The following SERPINC1 variants were observed in gnomAD, a reference collection of about 807,000 sequenced individuals.
The protein encoded by SERPINC1 is antithrombin-III.
In SERPINC1, 12 loss-of-function variants were observed where a neutral mutation model predicts 43.4. The observed-to-expected ratio is 0.28, with a 90% CI of 0.18 to 0.45. SERPINC1 has a LOEUF of 0.45. Among genes scored for constraint, SERPINC1 ranks in the 20% least tolerant of loss-of-function variants. SERPINC1 has a pLI of 1.00. For synonymous variants in SERPINC1, 210 were observed against 218.9 expected (o/e 0.96, Z 0.36); for missense variants, 423 against 578.8 (o/e 0.73, Z 2.76).
At chr1:173,909,456 G>T in intron 5 of SERPINC1, 96 bp downstream of exon 5, 1 of 1,325,552 alleles carries the variant, frequency 7.5e-7, no homozygotes, top group Non-Finnish European at 1.1e-6. Flanking sequence ...CAGGAGTCCT[G>T]ACTTGTTGCT....
At chr1:173,908,228 G>A (rs1408011854) in intron 5 of SERPINC1, among the ~76,000 whole-genome samples, 1 of 151,348 alleles carries the variant, frequency 6.6e-6, no homozygotes. Context: ...AGTGGCTCAC[G>A]CCTGTAATCC....
chr1:173,910,623 A>G lies in SERPINC1; in HGVS notation c.762+131T>C. On this transcript the variant is annotated intron_variant, in intron 4 of 6. Transcript: ENST00000367698. ...AATAATAGATTGACCTGCCCTGCTG[A>G]CCTGTACCTGTGTAGCTTTCGGCAG... is the stretch of plus-strand genomic sequence containing the variant. The G allele has an allele frequency of 1.6e-5, 12 of 753,420 alleles. No individual in the cohort carries two copies. The South Asian group carries it at 1.8e-4, about 11-fold the overall frequency. The allele number at this position is 753,420 out of a possible 1,614,324, so 46.7% of individuals were successfully genotyped here.
At chr1:173,910,643 C>T (rs757221443) in intron 4 of SERPINC1, 111 bp downstream of exon 4, 18 of 923,224 alleles carry the variant, frequency 1.9e-5, no homozygotes, top group East Asian at 1.0e-4. Context: ...GTGTAGCTTT[C>T]GGCAGTCCAT....
intron 6 of SERPINC1, 91 bp from the exon 7 acceptor site, chr1:173,904,156 A>T: frequency 8.0e-7 from 1 of 1,242,740 alleles, no homozygotes; most frequent in East Asian, 2.4e-5. Context: ...AATTCCTCAA[A>T]TGCTTTTGTT....
chr1:173,910,250 A>T (rs1045859499), intron 4 of SERPINC1, among the ~76,000 whole-genome samples: 4 of 152,146 alleles, frequency 2.6e-5, no homozygotes, highest in African/African-American at 9.7e-5. Flanking sequence ...AGCCACGAAA[A>T]CACAAAGGAA....
At chr1:173,908,551 CTTA>C (rs1015791800) in intron 5 of SERPINC1, among the ~76,000 whole-genome samples, 1 of 141,002 alleles carries the variant, frequency 7.1e-6, no homozygotes, top group Non-Finnish European at 1.5e-5. Flanking sequence ...ACATCGTAAA[CTTA>C]TTTTATTATT....
intron 4 of SERPINC1, among the ~76,000 whole-genome samples, chr1:173,910,146 C>T (rs1250964845): frequency 6.6e-6 from 1 of 152,152 alleles, no homozygotes; most frequent in Non-Finnish European, 1.5e-5. Flanking sequence ...ACCTTGGAAG[C>T]AGCCAAAATG....
chr1:173,909,579 A>G lies in SERPINC1; in HGVS notation c.1126T>C (p.Phe376Leu). The G allele has an allele frequency of 6.2e-7, 1 of 1,614,014 alleles. No individual in the cohort carries two copies. Among genetic ancestry groups the G allele is most frequent in the Non-Finnish European group, 8.5e-7 (1 of 1,180,044 alleles). The change falls in exon 5 of 7, where the codon TTC becomes CTC. Residue 376 changes from phenylalanine (F) to leucine (L), a missense_variant. Physicochemically the swap from Phe to Leu is conservative, Grantham distance 22. Coordinates refer to ENST00000367698, the MANE Select transcript of SERPINC1 (RefSeq NM_000488.4). ...GGGAGTTTGGACTTTTCAGGGCTGA[A>G]CAGATCGACAAGGCCCATGTCTTGC... The part of the protein sequence containing the change: ...QLQDMGLVDL[F>L]SPEKSKLPGI...
rs146733468 is a variant in SERPINC1 at position 173,910,846 on chromosome 1, T to C, written c.670A>G (p.Asn224Asp). The change falls in exon 4 of 7, where the codon AAT (asparagine) becomes GAT (aspartate). Residue 224 changes from asparagine (N) to aspartate (D), a missense_variant. Transcript: ENST00000367698. ...TCGGTGATTCGGCCTTCGGTCTTAT[T>C]GGACACCCATTTGTTGATGGCCGCT... is the stretch of plus-strand genomic sequence containing the variant. Reference protein sequence around the residue: ...SRAAINKWVSNKTEGRITDVI... With the variant: ...SRAAINKWVSDKTEGRITDVI... The C allele has an allele frequency of 7.4e-6, 12 of 1,614,062 alleles. No individual in the cohort carries two copies. The highest frequency in any genetic ancestry group is 1.0e-5 in the Non-Finnish European group (12 of 1,180,016).
At position 173,917,326 on chromosome 1, in the gene SERPINC1, C is replaced by G. The variant is rs929133799; in HGVS notation, c.-67G>C. 2 of 1,488,094 alleles carry G rather than the reference C, an allele frequency of 1.3e-6. No individual in the cohort carries two copies. The highest frequency in any genetic ancestry group is 3.4e-5 in the Admixed American group (2 of 59,012). 92.2% of individuals were successfully genotyped at this position (1,488,094 alleles called of 1,614,324 possible). ...TGATCTGAGGCAATCCGCCTGAAAA[C>G]TGGTTCTTTCCTCTAAATCTCGCAG... is the stretch of plus-strand genomic sequence containing the variant. On this transcript the variant is annotated 5_prime_UTR_variant, in exon 1 of 7. Coordinates refer to ENST00000367698, the MANE Select transcript of SERPINC1 (RefSeq NM_000488.4).
rs924993502 is a variant in SERPINC1 at position 173,915,075 on chromosome 1, G to C, written c.42-156C>G. On this transcript the variant is annotated intron_variant, in intron 1 of 6. Transcript: ENST00000367698. Reference sequence around the variant, plus strand: ...GAACCAAGTACAGGGGCCCGGGACAGGTTCAGTCCTAGACTTCTTGCCAGG... The same window carrying C: ...GAACCAAGTACAGGGGCCCGGGACACGTTCAGTCCTAGACTTCTTGCCAGG... The C allele has an allele frequency of 4.6e-6, 7 of 1,506,826 alleles. No individual in the cohort carries two copies. The African/African-American group carries it at 9.7e-5, about 21-fold the overall frequency. The allele number at this position is 1,506,826 out of a possible 1,614,324, so 93.3% of individuals were successfully genotyped here.
chr1:173,905,427 A>G (rs1572085625), intron 6 of SERPINC1, among the ~76,000 whole-genome samples: 1 of 151,928 alleles, frequency 6.6e-6, no homozygotes, highest in Non-Finnish European at 1.5e-5. Context: ...GGCAATTAAA[A>G]TATCTCAGTA....
At position 173,917,309 on chromosome 1, in the gene SERPINC1, G is replaced by A; in HGVS notation, c.-50C>T. 1 of 1,573,190 alleles carries A rather than the reference G, an allele frequency of 6.4e-7. No homozygotes were observed. The highest frequency in any genetic ancestry group is 1.1e-5 in the South Asian group (1 of 89,904). On this transcript the variant is annotated 5_prime_UTR_variant, in exon 1 of 7. Coordinates refer to ENST00000367698, the MANE Select transcript of SERPINC1 (RefSeq NM_000488.4). ...GGCAAGTGGAGATAGTGTGATCTGA[G>A]GCAATCCGCCTGAAAACTGGTTCTT... is the stretch of plus-strand genomic sequence containing the variant.
At position 173,909,611 on chromosome 1, in the gene SERPINC1, T is replaced by C. The variant is rs774393305; in HGVS notation, c.1094A>G (p.Glu365Gly). The change falls in exon 5 of 7, where the codon GAG becomes GGG. Residue 365 changes from glutamate to glycine, a missense_variant. Glu to Gly is a moderately conservative substitution (Grantham distance 98). Coordinates refer to ENST00000367698, the MANE Select transcript of SERPINC1 (RefSeq NM_000488.4). ...FRIEDGFSLK[E>G]QLQDMGLVDL... ...GACAAGGCCCATGTCTTGCAGCTGC[T>C]CCTTCAAACTGAAGCCGTCCTCAAT... is the stretch of plus-strand genomic sequence containing the variant. 4 of 1,614,070 alleles carry C rather than the reference T, an allele frequency of 2.5e-6. No individual in the cohort carries two copies. Among genetic ancestry groups the C allele is most frequent in the East Asian group, 2.2e-5 (1 of 44,890 alleles).
At chr1:173,908,075 G>A (rs1444342917) in intron 5 of SERPINC1, among the ~76,000 whole-genome samples, 1 of 151,292 alleles carries the variant, frequency 6.6e-6, no homozygotes, top group African/African-American at 2.4e-5. Context: ...TTCATTCTCA[G>A]GCTTCAGCTT....
In SERPINC1 at chr1:173,909,871, C is replaced by T. The variant is rs753390084; in HGVS notation, c.834G>A (p.Ser278=). The T allele has an allele frequency of 9.3e-6, 15 of 1,613,986 alleles. No homozygotes were observed. Among genetic ancestry groups the T allele is most frequent in the Admixed American group, 3.3e-5 (2 of 59,996 alleles). The change falls in exon 5 of 7, where the codon TCG becomes TCA. Residue 278 remains serine, a synonymous_variant. Coordinates refer to ENST00000367698, the MANE Select transcript of SERPINC1 (RefSeq NM_000488.4). ...KELFYKADGE[S]CSASMMYQEG... ...CCTGGTACATCATAGATGCTGAACA[C>T]GACTCTCCATCAGCCTTGTAGAACA...
chr1:173,916,678 C>T (rs1394175520), intron 1 of SERPINC1, among the ~76,000 whole-genome samples: 2 of 152,168 alleles, frequency 1.3e-5, no homozygotes, highest in Admixed American at 6.6e-5. Context: ...GCCACCACCC[C>T]GTTTCTAGCC....
intron 5 of SERPINC1, among the ~76,000 whole-genome samples, chr1:173,907,826 C>T (rs1557901449): frequency 1.3e-5 from 2 of 151,740 alleles, no homozygotes; most frequent in African/African-American, 4.8e-5. Flanking sequence ...CGTGAAAATA[C>T]AAAAATTAGC....
intron 1 of SERPINC1, 113 bp downstream of exon 1, chr1:173,917,106 C>A: frequency 1.1e-6 from 1 of 897,474 alleles, no homozygotes; most frequent in Non-Finnish European, 1.8e-6. Flanking sequence ...TTGACTGTAA[C>A]TACCAGGGAG....
Sources: gnomAD v4.1 joint callset for allele counts (sites outside exome capture counted in the v4.1 genomes callset) on GRCh38, gnomAD v4.1.1 for gene constraint, MANE v1.5 for transcripts, NCBI Gene and HGNC (gene_info 2026-07-23, HGNC 2026-07-21) for gene names.